NUF2: variants seen among roughly 807,000 people sequenced by gnomAD.
NUF2 encodes the protein NUF2 component of NDC80 kinetochore complex.
In NUF2, 34 loss-of-function variants were observed where a neutral mutation model predicts 61.8. The ratio of observed to expected loss-of-function variants is 0.55; its 90% CI spans 0.42 to 0.73. The LOEUF (loss-of-function observed/expected upper bound fraction) is 0.73. Ranked by LOEUF, NUF2 falls within the 30% of genes least tolerant of loss-of-function variation. The pLI, the probability that NUF2 is intolerant of heterozygous loss-of-function variation, is 0.00. For missense variants in NUF2, 445 were observed against 539.1 expected, an observed-to-expected ratio of 0.83 and a Z score of 1.73; for synonymous variants, 172 against 181.6, an observed-to-expected ratio of 0.95 and a Z score of 0.42.
chr1:163,334,807 T>C (rs529625668), intron 5 of NUF2, among the ~76,000 whole-genome samples: 3 of 152,248 alleles, frequency 2.0e-5, no homozygotes, highest in African/African-American at 7.2e-5. Flanking sequence ...GAAAAATGGA[T>C]AAATAAAAGG....
At chr1:163,325,663 G>T (rs982348978) in intron 1 of NUF2, among the ~76,000 whole-genome samples, 6 of 152,012 alleles carry the variant, frequency 3.9e-5, no homozygotes, top group Non-Finnish European at 5.9e-5. Context: ...TTGCCTATAT[G>T]CCTTGCTTTG....
chr1:163,343,352 A>C (rs1044314112), intron 9 of NUF2, among the ~76,000 whole-genome samples: 1 of 152,224 alleles, frequency 6.6e-6, no homozygotes, highest in Non-Finnish European at 1.5e-5. Flanking sequence ...AGGGATCAGT[A>C]CAAATTTAGC....
In NUF2 at chr1:163,347,391, C is replaced by T. The variant is rs1456047540; in HGVS notation, c.949-372C>T. Among the ~76,000 whole-genome samples the T allele has an allele frequency of 3.3e-5, 5 of 152,258 alleles. No homozygotes were observed. In the East Asian group the frequency reaches 7.7e-4, roughly 24 times the overall value. On this transcript the variant is annotated intron_variant, in intron 11 of 13. Coordinates refer to ENST00000271452, the MANE Select transcript of NUF2 (RefSeq NM_145697.3). Reference sequence around the variant, plus strand: ...AGTCCCCTCATCTGCCATTGTGTTACCCAAAAAAGATGTGTATCTACTGCT... The same window carrying T: ...AGTCCCCTCATCTGCCATTGTGTTATCCAAAAAAGATGTGTATCTACTGCT...
At position 163,326,110 on chromosome 1, in the gene NUF2, A is replaced by G. The variant is rs575868560; in HGVS notation, c.59A>G (p.Asn20Ser). 7.4e-6 allele frequency: 12 copies of G among 1,613,018 alleles called. No homozygotes were observed. Among genetic ancestry groups the G allele is most frequent in the Non-Finnish European group, 9.3e-6 (11 of 1,179,196 alleles). ...GCTGAGATTGTGATTCATATTCGCA[A>G]TAAGATCTTAACAGGAGCTGATGGT... ...NVAEIVIHIR[N>S]KILTGADGKN... is the part of the protein sequence containing the mutation. The change falls in exon 2 of 14, where the codon AAT becomes AGT. Residue 20 changes from asparagine (N) to serine (S), a missense_variant. By Grantham distance (46) the Asn-to-Ser change is conservative (BLOSUM62 1). Transcript: ENST00000271452.
In NUF2 at chr1:163,343,874, A is replaced by G. The variant is rs1651028274; in HGVS notation, c.807+4A>G. 1.4e-6 allele frequency: 2 copies of G among 1,384,224 alleles called. No individual in the cohort carries two copies. Among genetic ancestry groups the G allele is most frequent in the Non-Finnish European group, 1.9e-6 (2 of 1,055,932 alleles). 85.7% of individuals were successfully genotyped at this position (1,384,224 alleles called of 1,614,324 possible). On this transcript the variant is annotated splice_donor_region_variant and intron_variant, in intron 10 of 13. Coordinates refer to ENST00000271452, the MANE Select transcript of NUF2 (RefSeq NM_145697.3). ...CCAGAAGCTTAAAAATGCCAGAGTG[A>G]GTTTTCTTTTTATTTTAATGCTTTT...
chr1:163,326,664 C>A (rs1457247259), intron 2 of NUF2, among the ~76,000 whole-genome samples: 1 of 152,066 alleles, frequency 6.6e-6, no homozygotes, highest in Non-Finnish European at 1.5e-5. Flanking sequence ...ACAAAATGAA[C>A]TATTTATGTG....
In NUF2 at chr1:163,328,250, T is replaced by C. The variant is rs765202915; in HGVS notation, c.221T>C (p.Met74Thr). The C allele has an allele frequency of 1.3e-5, 21 of 1,608,838 alleles. No individual in the cohort carries two copies. The highest frequency in any genetic ancestry group is 1.8e-5 in the Non-Finnish European group (21 of 1,177,152). The change falls in exon 4 of 14, where the codon ATG becomes ACG. Residue 74 changes from methionine to threonine, a missense_variant. Met to Thr is a moderately conservative substitution (Grantham distance 81). Coordinates refer to ENST00000271452, the MANE Select transcript of NUF2 (RefSeq NM_145697.3). Reference protein sequence around the residue: ...FYMMPVNSEVMYPHLMEGFLP... With the variant: ...FYMMPVNSEVTYPHLMEGFLP... ...TAGATGCCAGTGAACTCTGAAGTCA[T>C]GTATCCACATTTAATGGAAGGCTTC...
chr1:163,343,764 A>C lies in NUF2; in HGVS notation c.701A>C (p.Lys234Thr). Reference sequence around the variant, plus strand: ...CTAAAATTGTCGGTGGTTTCTTTGAAAGAAATACAAGAGAGTTTGAAAACA... The same window carrying C: ...CTAAAATTGTCGGTGGTTTCTTTGACAGAAATACAAGAGAGTTTGAAAACA... ...NELKLSVVSLKEIQESLKTKI... is the reference protein window; with the variant it reads ...NELKLSVVSLTEIQESLKTKI... The change falls in exon 10 of 14, where the codon AAA becomes ACA. Residue 234 changes from lysine to threonine, a missense_variant. Lys to Thr is a moderately conservative substitution (Grantham distance 78). Coordinates refer to ENST00000271452, the MANE Select transcript of NUF2 (RefSeq NM_145697.3). 7.0e-7 allele frequency: 1 copy of C among 1,427,900 alleles called. No individual in the cohort carries two copies. Among genetic ancestry groups the C allele is most frequent in the Non-Finnish European group, 9.3e-7 (1 of 1,074,092 alleles). 88.5% of individuals were successfully genotyped at this position (1,427,900 alleles called of 1,614,324 possible).
Position 163,324,475 on chromosome 1 carries a change from G to A in NUF2, c.-20-1557G>A, listed in dbSNP as rs577518625. Among the ~76,000 whole-genome samples the A allele has an allele frequency of 5.3e-5, 8 of 151,088 alleles. No individual in the cohort carries two copies. The South Asian group carries it at 1.7e-3, about 32-fold the overall frequency. On this transcript the variant is annotated intron_variant, in intron 1 of 13. Transcript: ENST00000271452. ...ATTGCTTCCATTTATTAGAGGTTAG[G>A]CAAGTTGCCAAAGCTCCCCTTTTTA...
At chr1:163,349,149 A>G (rs1651229897) in intron 13 of NUF2, 69 bp downstream of exon 13, 3 of 1,341,608 alleles carry the variant, frequency 2.2e-6, no homozygotes, top group Admixed American at 2.4e-5. Context: ...AACTGAAACA[A>G]AACAGCTTAC....
chr1:163,343,880 CT>C lies in NUF2; in HGVS notation c.807+15del. On this transcript the variant is annotated intron_variant, in intron 10 of 13. Coordinates refer to ENST00000271452, the MANE Select transcript of NUF2 (RefSeq NM_145697.3). ...GCTTAAAAATGCCAGAGTGAGTTTT[CT>C]TTTTATTTTAATGCTTTTGTATCTA... is the stretch of plus-strand genomic sequence containing the variant. 1 of 1,377,258 alleles carries C rather than the reference CT, an allele frequency of 7.3e-7. No homozygotes were observed. The highest frequency in any genetic ancestry group is 9.5e-7 in the Non-Finnish European group (1 of 1,050,262). The allele number at this position is 1,377,258 out of a possible 1,614,324, so 85.3% of individuals were successfully genotyped here.
At chr1:163,350,926 A>T (rs1651297257) in intron 13 of NUF2, among the ~76,000 whole-genome samples, 1 of 152,104 alleles carries the variant, frequency 6.6e-6, no homozygotes, top group Non-Finnish European at 1.5e-5. Flanking sequence ...TTTTGAGTTT[A>T]AAATATTTAT....
chr1:163,355,033 G>A (rs1412624437), intron 13 of NUF2, among the ~76,000 whole-genome samples: 1 of 151,968 alleles, frequency 6.6e-6, no homozygotes, highest in East Asian at 1.9e-4. Flanking sequence ...AACATGGAAA[G>A]CTCTAAAGTA....
At chr1:163,327,767 A>T in intron 3 of NUF2, 1 of 509,564 alleles carries the variant, frequency 2.0e-6, no homozygotes, top group Admixed American at 3.7e-5. Context: ...TAGATTTAGT[A>T]AGATGAAAAC....
chr1:163,345,124 A>G (rs1166341144), intron 10 of NUF2, among the ~76,000 whole-genome samples: 1 of 152,148 alleles, frequency 6.6e-6, no homozygotes, highest in Non-Finnish European at 1.5e-5. Flanking sequence ...ATGATTTGCA[A>G]AGAGTATTTT....
intron 1 of NUF2, among the ~76,000 whole-genome samples, chr1:163,322,693 C>G (rs1001234996): frequency 6.6e-6 from 1 of 152,178 alleles, no homozygotes; most frequent in Non-Finnish European, 1.5e-5. Context: ...TTTAACAAAA[C>G]GAAGTGTGTA....
At position 163,347,826 on chromosome 1, in the gene NUF2, G is replaced by C. The variant is rs1651182378; in HGVS notation, c.1012G>C (p.Glu338Gln). 6.2e-7 allele frequency: 1 copy of C among 1,612,030 alleles called. No individual in the cohort carries two copies. Among genetic ancestry groups the C allele is most frequent in the Admixed American group, 1.7e-5 (1 of 59,710 alleles). ...AGAACTGAAGAAATTGAAGACTGAA[G>C]AAAATTCGTTCAAAAGACTGATGAT... ...ESELKKLKTE[E>Q]NSFKRLMIVK... is the part of the protein sequence containing the mutation. The change falls in exon 12 of 14, where the codon GAA becomes CAA. Residue 338 changes from glutamate (E) to glutamine (Q), a missense_variant. Coordinates refer to ENST00000271452, the MANE Select transcript of NUF2 (RefSeq NM_145697.3).
intron 13 of NUF2, 35 bp from the exon 14 acceptor site, chr1:163,355,300 G>A: frequency 1.3e-6 from 2 of 1,506,834 alleles, no homozygotes; most frequent in East Asian, 2.3e-5. Context: ...GTTGTTGCAT[G>A]GAATAATTAT....
intron 5 of NUF2, among the ~76,000 whole-genome samples, chr1:163,334,616 A>G (rs1650696830): frequency 6.6e-6 from 1 of 152,108 alleles, no homozygotes; most frequent in African/African-American, 2.4e-5. Flanking sequence ...TTTCTACAAA[A>G]AAAATGTTAA....
Sources: gnomAD v4.1 joint callset for allele counts (sites outside exome capture counted in the v4.1 genomes callset) on GRCh38, gnomAD v4.1.1 for gene constraint, MANE v1.5 for transcripts, NCBI Gene and HGNC (gene_info 2026-07-23, HGNC 2026-07-21) for gene names.